Variants in GRB2 observed in about 807,000 individuals in gnomAD.
GRB2 encodes growth factor receptor bound protein 2, also known as growth factor receptor-bound protein 2.
Under a neutral mutation model 27.4 loss-of-function variants are expected in GRB2, and 2 were observed. That is an observed-to-expected ratio of 0.07 (90% CI 0.03 to 0.23). The LOEUF is 0.23. GRB2 is among the 10% of genes least tolerant of loss of function. The pLI is 1.00. For missense variants in GRB2, 102 were observed against 282.4 expected (o/e 0.36, Z 4.58); for synonymous variants, 94 against 99.6 (o/e 0.94, Z 0.33).
chr17:75,399,218 TTG>T (rs140196630), intron 1 of GRB2, among the ~76,000 whole-genome samples: 16 of 149,610 alleles, frequency 1.1e-4, no homozygotes, highest in South Asian at 6.3e-4. Context: ...TGGCTAATTT[TTG>T]TGTGTGTGTG....
chr17:75,338,512 A>T (rs1220536357), intron 2 of GRB2, among the ~76,000 whole-genome samples: 2 of 152,190 alleles, frequency 1.3e-5, no homozygotes, highest in African/African-American at 4.8e-5. Context: ...TCTCCAAGGA[A>T]TGTTTTTAGC....
chr17:75,395,693 C>T (rs1454484004), intron 1 of GRB2, among the ~76,000 whole-genome samples: 2 of 152,088 alleles, frequency 1.3e-5, no homozygotes, highest in African/African-American at 4.8e-5. Context: ...TTTATTCCAG[C>T]CATTATCTAT....
At chr17:75,372,722 A>G (rs1378659269) in intron 2 of GRB2, 1 of 152,230 alleles carries the variant, frequency 6.6e-6, no homozygotes, top group Non-Finnish European at 1.5e-5. Context: ...TTTTTAGCCT[A>G]ATATAAATTT....
intron 4 of GRB2, 121 bp downstream of exon 4, chr17:75,325,777 G>T: frequency 9.7e-7 from 1 of 1,028,910 alleles, no homozygotes; most frequent in South Asian, 1.4e-5. Context: ...AATGTGAAAT[G>T]AAGAAACTGT....
chr17:75,404,449 T>C (rs2079085105), intron 1 of GRB2, among the ~76,000 whole-genome samples: 1 of 140,036 alleles, frequency 7.1e-6, no homozygotes, highest in Non-Finnish European at 1.5e-5. Context: ...AATCTTGAAA[T>C]GAGAGAAAAC....
At chr17:75,390,384 A>G (rs1448033032) in intron 2 of GRB2, among the ~76,000 whole-genome samples, 2 of 152,138 alleles carry the variant, frequency 1.3e-5, no homozygotes, top group Admixed American at 6.5e-5. Flanking sequence ...AGTGTAGACT[A>G]TTTAGGGGTC....
chr17:75,330,074 T>C (rs2078528621), intron 3 of GRB2, among the ~76,000 whole-genome samples: 2 of 152,118 alleles, frequency 1.3e-5, no homozygotes, highest in Admixed American at 6.6e-5. Flanking sequence ...GGCAAATGTT[T>C]TGAAAGTCTT....
chr17:75,349,586 C>A lies in GRB2; in HGVS notation c.79-16789G>T, dbSNP rs545949483. Among the ~76,000 whole-genome samples the A allele has an allele frequency of 2.6e-5, 4 of 151,378 alleles. No individual in the cohort carries two copies. In the South Asian group the frequency reaches 8.4e-4, roughly 32 times the overall value. On this transcript the variant is annotated intron_variant, in intron 2 of 5. Transcript: ENST00000316804. ...ACTGCAGTGATGCGATCTTGGCCCACTGCAACCCCCGCACCCTCTGCCTCC... is the reference window on the plus strand; with the variant it reads ...ACTGCAGTGATGCGATCTTGGCCCAATGCAACCCCCGCACCCTCTGCCTCC...
chr17:75,340,895 G>A (rs1489968067), intron 2 of GRB2, among the ~76,000 whole-genome samples: 4 of 152,226 alleles, frequency 2.6e-5, no homozygotes, highest in East Asian at 3.9e-4. Context: ...AACCAGCAAA[G>A]GTAGTTCAAT....
At chr17:75,343,488 A>T (rs541978395) in intron 2 of GRB2, among the ~76,000 whole-genome samples, 1 of 152,314 alleles carries the variant, frequency 6.6e-6, no homozygotes, top group African/African-American at 2.4e-5. Context: ...TAACCAAATT[A>T]CAGGATATTT....
chr17:75,404,192 A>G (rs1032091411), intron 1 of GRB2, among the ~76,000 whole-genome samples: 1 of 152,212 alleles, frequency 6.6e-6, no homozygotes, highest in Non-Finnish European at 1.5e-5. Flanking sequence ...GCACAGAAGC[A>G]TAATCTTAAA....
intron 2 of GRB2, among the ~76,000 whole-genome samples, chr17:75,390,981 C>T (rs1308239945): frequency 6.6e-6 from 1 of 152,156 alleles, no homozygotes; most frequent in Non-Finnish European, 1.5e-5. Context: ...CGTCCCAAAT[C>T]AAAGCAATTC....
chr17:75,353,969 G>A (rs1598233672), intron 2 of GRB2, among the ~76,000 whole-genome samples: 1 of 151,562 alleles, frequency 6.6e-6, no homozygotes, highest in South Asian at 2.1e-4. Context: ...GGACCCGGGA[G>A]GCGGAGGTTG....
chr17:75,361,888 AG>A (rs2078784549), intron 2 of GRB2, among the ~76,000 whole-genome samples: 2 of 151,580 alleles, frequency 1.3e-5, no homozygotes, highest in South Asian at 2.1e-4. Context: ...AAAAAAAAAA[AG>A]GGATTATTAA....
intron 2 of GRB2, among the ~76,000 whole-genome samples, chr17:75,386,286 T>C (rs1239896037): frequency 6.6e-6 from 1 of 152,056 alleles, no homozygotes; most frequent in Non-Finnish European, 1.5e-5. Flanking sequence ...GCCCAGCTAA[T>C]TTGTGTATTT....
intron 2 of GRB2, among the ~76,000 whole-genome samples, chr17:75,345,350 CAG>C (rs1297312319): frequency 6.6e-6 from 1 of 152,080 alleles, no homozygotes; most frequent in African/African-American, 2.4e-5. Context: ...CGCCCGACAA[CAG>C]AGTTTATTTA....
intron 2 of GRB2, among the ~76,000 whole-genome samples, chr17:75,364,228 G>T (rs2078805006): frequency 6.6e-6 from 1 of 152,066 alleles, no homozygotes; most frequent in Non-Finnish European, 1.5e-5. Flanking sequence ...AAACCAACTG[G>T]GCTTAAATCG....
chr17:75,374,249 C>T (rs892604322), intron 2 of GRB2, among the ~76,000 whole-genome samples: 1 of 151,162 alleles, frequency 6.6e-6, no homozygotes, highest in Admixed American at 6.6e-5. Context: ...ACTAAAAATA[C>T]AAAAATTAGC....
intron 1 of GRB2, among the ~76,000 whole-genome samples, chr17:75,397,126 C>G (rs2079033533): frequency 6.6e-6 from 1 of 152,136 alleles, no homozygotes; most frequent in Non-Finnish European, 1.5e-5. Flanking sequence ...AATTAAATCC[C>G]TACTTCCATG....
Sources: allele counts gnomAD v4.1 joint callset (sites outside exome capture counted in the v4.1 genomes callset), GRCh38; gene constraint gnomAD v4.1.1; transcripts MANE v1.5; gene names NCBI Gene and HGNC (gene_info 2026-07-23, HGNC 2026-07-21).